The following F5 variants were observed in gnomAD, a reference collection of about 807,000 sequenced individuals.
F5 encodes coagulation factor V.
A neutral mutation model predicts 216.4 loss-of-function variants in F5; 138 were observed. The ratio of observed to expected loss-of-function variants is 0.64; its 90% confidence interval spans 0.56 to 0.73. F5 has a LOEUF of 0.73. Ranked by LOEUF, F5 falls within the 30% of genes least tolerant of loss-of-function variation. The pLI, the probability that F5 is intolerant of heterozygous loss-of-function variation, is 0.00. For synonymous variants in F5, 916 were observed against 930.7 expected (o/e 0.98, Z 0.29); for missense variants, 2,403 against 2,674.0 (o/e 0.90, Z 2.24).
At chr1:169,520,400 A>G (rs1449429467) in intron 22 of F5, 120 bp downstream of exon 22, 3 of 1,249,940 alleles carry the variant, frequency 2.4e-6, no homozygotes, top group South Asian at 2.4e-5. Context: ...CTGTTTCACA[A>G]AGGTTTTCCT....
chr1:169,561,929 CT>C (rs1660495131), intron 3 of F5, among the ~76,000 whole-genome samples: 1 of 151,774 alleles, frequency 6.6e-6, no homozygotes, highest in Non-Finnish European at 1.5e-5. Flanking sequence ...CCTTTCTTTT[CT>C]TTTTCCTTTC....
chr1:169,544,495 A>G lies in F5; in HGVS notation c.1776T>C (p.Tyr592=), dbSNP rs149240688. The change falls in exon 12 of 25, where the codon TAT becomes TAC. Residue 592 remains tyrosine, a synonymous_variant. Transcript: ENST00000367797. Reference sequence around the variant, plus strand: ...CAAGAGTAGTTATGCTCTCAGGCACATAGCCATTGATAGCTGAAAGTGTAA... The same window carrying G: ...CAAGAGTAGTTATGCTCTCAGGCACGTAGCCATTGATAGCTGAAAGTGTAA... The part of the protein sequence containing the change: ...ESNIMSTING[Y]VPESITTLGF... The G allele has an allele frequency of 9.3e-6, 15 of 1,613,742 alleles. No individual in the cohort carries two copies. The African/African-American group carries it at 1.9e-4, about 20-fold the overall frequency.
intron 11 of F5, among the ~76,000 whole-genome samples, chr1:169,545,080 G>C (rs1219004500): frequency 1.3e-5 from 2 of 152,120 alleles, no homozygotes; most frequent in Non-Finnish European, 2.9e-5. Context: ...AAAACCAAAG[G>C]TATGATTTCT....
intron 21 of F5, among the ~76,000 whole-genome samples, chr1:169,521,310 G>C (rs1264260160): frequency 6.6e-6 from 1 of 152,128 alleles, no homozygotes; most frequent in African/African-American, 2.4e-5. Flanking sequence ...TAGGGATTTA[G>C]GGCTTTCATC....
chr1:169,568,195 A>G (rs994480029), intron 3 of F5, among the ~76,000 whole-genome samples: 1 of 152,108 alleles, frequency 6.6e-6, no homozygotes, highest in Admixed American at 6.6e-5. Flanking sequence ...TACATATAAG[A>G]TGAATTTCAA....
Position 169,518,397 on chromosome 1 carries a change from T to C in F5, c.6345+15A>G, listed in dbSNP as rs764974779. 1 of 1,613,440 alleles carries C rather than the reference T, an allele frequency of 6.2e-7. No homozygotes were observed. The highest frequency in any genetic ancestry group is 8.5e-7 in the Non-Finnish European group (1 of 1,179,598). ...TGGAGCCCTAAGAGAACACCATGCA[T>C]AGAGTATACTTGACCTTGGCTTGCC... On this transcript the variant is annotated intron_variant, in intron 23 of 24. Transcript: ENST00000367797.
intron 3 of F5, among the ~76,000 whole-genome samples, chr1:169,570,408 C>T (rs9332541): frequency 0.013 from 1,905 of 152,194 alleles, 32 homozygotes; most frequent in African/African-American, 0.037. Context: ...CTGATGCAGT[C>T]GTCTAGAAGC....
chr1:169,573,672 A>G (rs1660779981), intron 2 of F5, among the ~76,000 whole-genome samples: 1 of 152,208 alleles, frequency 6.6e-6, no homozygotes, highest in Non-Finnish European at 1.5e-5. Context: ...ATGAGGTTTT[A>G]CTTTCTACAT....
intron 20 of F5, 108 bp from the exon 21 acceptor site, chr1:169,523,460 A>T: frequency 7.6e-7 from 1 of 1,309,604 alleles, no homozygotes; most frequent in Non-Finnish European, 1.1e-6. Flanking sequence ...GCTAGCACAT[A>T]AGATCTTAGC....
chr1:169,532,155 T>A (rs1659606440), intron 14 of F5, among the ~76,000 whole-genome samples: 1 of 152,124 alleles, frequency 6.6e-6, no homozygotes, highest in Admixed American at 6.6e-5. Flanking sequence ...CATCCCTTCA[T>A]GATAAAAACC....
chr1:169,550,781 T>G (rs1483726795), intron 8 of F5, 42 bp from the exon 9 acceptor site: 1 of 1,412,674 alleles, frequency 7.1e-7, no homozygotes. Flanking sequence ...TTAAGGTTGA[T>G]CATGACAAAT....
At chr1:169,547,479 C>A (rs559134129) in intron 10 of F5, among the ~76,000 whole-genome samples, 1 of 152,004 alleles carries the variant, frequency 6.6e-6, no homozygotes, top group Admixed American at 6.6e-5. Flanking sequence ...TTATAAGGAA[C>A]TTAAATTTAC....
At chr1:169,539,982 T>G (rs918072380) in intron 13 of F5, among the ~76,000 whole-genome samples, 2 of 152,168 alleles carry the variant, frequency 1.3e-5, no homozygotes, top group African/African-American at 2.4e-5. Context: ...TAGCTATGGA[T>G]AGGTTGGGCT....
intron 5 of F5, among the ~76,000 whole-genome samples, chr1:169,558,698 T>C (rs1377627313): frequency 6.6e-6 from 1 of 152,210 alleles, no homozygotes; most frequent in Non-Finnish European, 1.5e-5. Context: ...GAAAATATTC[T>C]AGATGCCACT....
At chr1:169,570,032 A>G (rs150663876) in intron 3 of F5, among the ~76,000 whole-genome samples, 3 of 152,160 alleles carry the variant, frequency 2.0e-5, no homozygotes, top group Non-Finnish European at 4.4e-5. Context: ...AAAAGATACT[A>G]TCTGCTTACT....
intron 8 of F5, among the ~76,000 whole-genome samples, chr1:169,551,498 T>C (rs1282856537): frequency 6.6e-6 from 1 of 152,160 alleles, no homozygotes; most frequent in Non-Finnish European, 1.5e-5. Context: ...AGCCAGATCC[T>C]GAACTTTTAA....
At position 169,530,923 on chromosome 1, in the gene F5, G is replaced by C; in HGVS notation, c.5071C>G (p.Pro1691Ala). The C allele has an allele frequency of 6.2e-7, 1 of 1,613,876 alleles. No homozygotes were observed. The highest frequency in any genetic ancestry group is 8.5e-7 in the Non-Finnish European group (1 of 1,179,844). Residue 1691 changes from proline (P) to alanine (A), a missense_variant, in exon 15 of 25, where the codon CCT becomes GCT. Around this residue, in one of 4 missense-constraint regions of F5, gnomAD observed 659 missense variants for 787.9 expected, o/e 0.84. Transcript: ENST00000367797. Reference protein sequence around the residue: ...SEGKTYEDDSPEWFKEDNAVQ... With the variant: ...SEGKTYEDDSAEWFKEDNAVQ... ...GCATTATCTTCCTTAAACCATTCAG[G>C]AGAGTCATCTTCATAAGTCTTTCCC... is the stretch of plus-strand genomic sequence containing the variant.
At position 169,582,508 on chromosome 1, in the gene F5, A is replaced by T. The variant is rs1474875308; in HGVS notation, c.173T>A (p.Val58Glu). 1.9e-6 allele frequency: 3 copies of T among 1,540,192 alleles called. No individual in the cohort carries two copies. The Admixed American group carries it at 5.2e-5, about 27-fold the overall frequency. ...EPTNSSLNLS[V>E]TSFKKIVYRE... is the part of the protein sequence containing the mutation. The stretch of plus-strand genomic sequence containing the variant: ...GTAGACAATTTTCTTAAAGGAAGTT[A>T]CAGAAAGATTCAAACTGGAAATAAA... Residue 58 changes from valine (V) to glutamate (E), a missense_variant, in exon 2 of 25, where the codon GTA becomes GAA. By Grantham distance (121) the Val-to-Glu change is moderately radical. Coordinates refer to ENST00000367797, the MANE Select transcript of F5 (RefSeq NM_000130.5).
chr1:169,534,454 G>A (rs1343616920), intron 14 of F5, among the ~76,000 whole-genome samples: 1 of 152,100 alleles, frequency 6.6e-6, no homozygotes. Flanking sequence ...GATTGCCCGA[G>A]GTCAGGAGTT....
Sources: gnomAD v4.1 joint callset for allele counts (sites outside exome capture counted in the v4.1 genomes callset) on GRCh38, gnomAD v4.1.1 for gene constraint, gnomAD v4.1.1 regional missense constraint, MANE v1.5 for transcripts, NCBI Gene and HGNC (gene_info 2026-07-23, HGNC 2026-07-21) for gene names.